GPAT4: variants seen among roughly 807,000 people sequenced by gnomAD.
The protein encoded by GPAT4 is 1-AGP acyltransferase 6.
GPAT4 carries 17 observed loss-of-function variants against 58.0 expected under a neutral mutation model. The ratio of observed to expected loss-of-function variants is 0.29; its 90% CI spans 0.20 to 0.44. The LOEUF (loss-of-function observed/expected upper bound fraction) is 0.44, where lower values mean the gene tolerates loss of function less well. Ranked by LOEUF, GPAT4 falls within the 20% of genes least tolerant of loss-of-function variation. The pLI is 1.00. For synonymous variants in GPAT4, 204 were observed against 210.1 expected, an observed-to-expected ratio of 0.97 and a Z score of 0.25; for missense variants, 377 against 574.5, an observed-to-expected ratio of 0.66 and a Z score of 3.51.
rs145318528 is a variant in GPAT4 at position 41,605,546 on chromosome 8, T to TTTTG, written c.166-3830_166-3827dup. Among the ~76,000 whole-genome samples, 138 of 150,950 alleles carry TTTTG rather than the reference T, an allele frequency of 9.1e-4. 1 individual carries two copies. Among genetic ancestry groups the TTTTG allele is most frequent in the African/African-American group, 2.8e-3 (116 of 41,014 alleles). On this transcript the variant is annotated intron_variant, in intron 2 of 12. Transcript: ENST00000396987. ...CATTGAGAAATCATTGAAGGTTGTG[T>TTTTG]TTTGTTTGTTTGTTTGTTTGTTTGT...
At chr8:41,581,121 G>A (rs1386225453) in intron 1 of GPAT4, among the ~76,000 whole-genome samples, 1 of 152,190 alleles carries the variant, frequency 6.6e-6, no homozygotes, top group African/African-American at 2.4e-5. Context: ...AGAACTTGAC[G>A]GAATATCATC....
At position 41,578,266 on chromosome 8, in the gene GPAT4, A is replaced by C. The variant is rs1381971243; in HGVS notation, c.-861A>C. 1 of 151,466 alleles carries C rather than the reference A, an allele frequency of 6.6e-6. No individual in the cohort carries two copies. The highest frequency in any genetic ancestry group is 1.5e-5 in the Non-Finnish European group (1 of 67,874). 9.4% of individuals were successfully genotyped at this position (151,466 alleles called of 1,614,324 possible). ...GTCGCCGCGGGATTTGGAGCTGCCT[A>C]GCCTCGCGGTCGGTGAGTAGGAGGG... On this transcript the variant is annotated 5_prime_UTR_variant, in exon 1 of 13. Coordinates refer to ENST00000396987, the MANE Select transcript of GPAT4 (RefSeq NM_178819.4).
intron 1 of GPAT4, among the ~76,000 whole-genome samples, chr8:41,597,960 T>A (rs1010239590): frequency 6.6e-6 from 1 of 152,236 alleles, no homozygotes; most frequent in African/African-American, 2.4e-5. Context: ...ACTCTGAGTA[T>A]CTGGGGGACA....
intron 1 of GPAT4, among the ~76,000 whole-genome samples, chr8:41,579,991 C>T (rs1049487736): frequency 1.3e-5 from 2 of 152,176 alleles, no homozygotes; most frequent in Non-Finnish European, 2.9e-5. Flanking sequence ...TGAAATCTCG[C>T]CTCTGCCTCG....
chr8:41,612,323 G>A, intron 7 of GPAT4, 50 bp downstream of exon 7: 1 of 1,594,948 alleles, frequency 6.3e-7, no homozygotes, highest in Non-Finnish European at 8.6e-7. Flanking sequence ...CTGCTTTAGA[G>A]TGGTCAGGGC....
At chr8:41,582,444 T>TACACAC (rs71548104) in intron 1 of GPAT4, among the ~76,000 whole-genome samples, 10,445 of 141,550 alleles carry the variant, frequency 0.074, 411 homozygotes, top group Middle Eastern at 0.15. Context: ...TGGGAAAGTA[T>TACACAC]ACACACACAC....
At position 41,612,260 on chromosome 8, in the gene GPAT4, G is replaced by A. The variant is rs1803467659; in HGVS notation, c.782G>A (p.Gly261Asp). 2 of 1,614,110 alleles carry A rather than the reference G, an allele frequency of 1.2e-6. No individual in the cohort carries two copies. Among genetic ancestry groups the A allele is most frequent in the Admixed American group, 1.7e-5 (1 of 60,006 alleles). The stretch of plus-strand genomic sequence containing the variant: ...GATGTGATCATCTTGGCCAGCGATG[G>A]CTATTATGCCATGGTAAGAGCTCTT... Reference protein sequence around the residue: ...PIDVIILASDGYYAMVGQVHG... With the variant: ...PIDVIILASDDYYAMVGQVHG... The change falls in exon 7 of 13, where the codon GGC becomes GAC. Residue 261 changes from glycine to aspartate, a missense_variant. Physicochemically the swap from Gly to Asp is moderately conservative, Grantham distance 94. Transcript: ENST00000396987.
rs1339807336 is a variant in GPAT4, at chr8:41,623,802, CT to C, written c.*2802del. ...TGTGGTTCTCAGACAGCCTTTTTTA[CT>C]CAAACATGAGACTTTCCACCCACCA... On this transcript the variant is annotated 3_prime_UTR_variant, in exon 13 of 13. Coordinates refer to ENST00000396987, the MANE Select transcript of GPAT4 (RefSeq NM_178819.4). 3 of 151,726 alleles carry C rather than the reference CT, an allele frequency of 2.0e-5. No individual in the cohort carries two copies. The highest frequency in any genetic ancestry group is 4.8e-5 in the African/African-American group (2 of 41,242). The allele number at this position is 151,726 out of a possible 1,614,324, so 9.4% of individuals were successfully genotyped here. A position where few individuals can be genotyped will look rare whatever the true frequency, so the allele number is the denominator to read the frequency against.
chr8:41,598,938 T>C lies in GPAT4; in HGVS notation c.-202T>C. The C allele has an allele frequency of 1.6e-6, 1 of 642,732 alleles. No individual in the cohort carries two copies. Among genetic ancestry groups the C allele is most frequent in the Non-Finnish European group, 2.6e-6 (1 of 381,244 alleles). 39.8% of individuals were successfully genotyped at this position (642,732 alleles called of 1,614,324 possible). On this transcript the variant is annotated 5_prime_UTR_variant, in exon 2 of 13. Transcript: ENST00000396987. The stretch of plus-strand genomic sequence containing the variant: ...TCTGGAGAGACCTGGCGTTTGCAGT[T>C]GCCTCCTGTGGCCGTGTTTTTCTGT...
intron 12 of GPAT4, among the ~76,000 whole-genome samples, chr8:41,619,730 G>A (rs1413001509): frequency 6.6e-6 from 1 of 152,218 alleles, no homozygotes; most frequent in Non-Finnish European, 1.5e-5. Flanking sequence ...ACTGGGGAGA[G>A]CATTTGACTT....
rs753450693 is a variant in GPAT4, at chr8:41,609,750, G to A, written c.331G>A (p.Glu111Lys). ...GGCTCTGGACAACACTCCAGAGTTC[G>A]AGCTCTCTGACATTTTCTACTTTTG... Reference protein sequence around the residue: ...SKALDNTPEFELSDIFYFCRK... With the variant: ...SKALDNTPEFKLSDIFYFCRK... Residue 111 changes from glutamate (E) to lysine (K), a missense_variant, in exon 4 of 13, where the codon GAG (glutamate) becomes AAG (lysine). By Grantham distance (56) the Glu-to-Lys change is moderately conservative. Transcript: ENST00000396987. The A allele has an allele frequency of 2.5e-5, 41 of 1,613,974 alleles. No individual in the cohort carries two copies. The highest frequency in any genetic ancestry group is 2.9e-5 in the Non-Finnish European group (34 of 1,180,052).
chr8:41,579,417 C>T (rs1802452087), intron 1 of GPAT4, among the ~76,000 whole-genome samples: 1 of 152,172 alleles, frequency 6.6e-6, no homozygotes, highest in African/African-American at 2.4e-5. Context: ...TGAAAACCAC[C>T]ATACCAAGTC....
At chr8:41,581,414 G>C (rs1371038523) in intron 1 of GPAT4, among the ~76,000 whole-genome samples, 1 of 152,142 alleles carries the variant, frequency 6.6e-6, no homozygotes, top group Admixed American at 6.5e-5. Context: ...ATAGAAAAAT[G>C]CTTTGTAAAA....
At chr8:41,608,233 C>T (rs990111918) in intron 2 of GPAT4, among the ~76,000 whole-genome samples, 5 of 152,360 alleles carry the variant, frequency 3.3e-5, no homozygotes, top group African/African-American at 7.2e-5. Context: ...GTGCAGCATT[C>T]GGCTTTGCTG....
Position 41,586,105 on chromosome 8 carries a change from G to C in GPAT4, c.-849+7827G>C, listed in dbSNP as rs372902692. 7.2e-5 allele frequency among the ~76,000 whole-genome samples: 11 copies of C among 152,324 alleles called. No homozygotes were observed. The East Asian group carries it at 1.5e-3, about 21-fold the overall frequency. On this transcript the variant is annotated intron_variant, in intron 1 of 12. Transcript: ENST00000396987. ...CTCTTGTATCTCCCCACTCTCGCCAGCTCTAAAGTAACCAACAATCTACTT... is the reference window on the plus strand; with the variant it reads ...CTCTTGTATCTCCCCACTCTCGCCACCTCTAAAGTAACCAACAATCTACTT...
rs779620977 is a variant in GPAT4, at chr8:41,599,313, T to C, written c.165+9T>C. On this transcript the variant is annotated intron_variant, in intron 2 of 12. Transcript: ENST00000396987. ...TGTTAAAAATCTTTGCGGTAAGTTA[T>C]GCTGTTACAAAAGGTTGCTTCACAG... is the stretch of plus-strand genomic sequence containing the variant. The C allele has an allele frequency of 1.2e-5, 20 of 1,613,522 alleles. No homozygotes were observed. The highest frequency in any genetic ancestry group is 2.2e-5 in the East Asian group (1 of 44,892).
chr8:41,612,121 T>C, intron 6 of GPAT4, 59 bp from the exon 7 acceptor site: 2 of 1,591,700 alleles, frequency 1.3e-6, no homozygotes, highest in Admixed American at 1.7e-5. Flanking sequence ...AGGTGAGAGG[T>C]GTGTTACATG....
intron 7 of GPAT4, 92 bp downstream of exon 7, chr8:41,612,365 A>G: frequency 3.2e-6 from 4 of 1,267,998 alleles, no homozygotes; most frequent in Non-Finnish European, 2.3e-6. Flanking sequence ...ACATAAACAC[A>G]TTTATGCGTG....
rs182775395 is a variant in GPAT4 at position 41,624,155 on chromosome 8, A to T, written c.*3154A>T. 1.1e-3 allele frequency: 162 copies of T among 152,370 alleles called. No individual in the cohort carries two copies. Among genetic ancestry groups the T allele is most frequent in the Middle Eastern group, 3.4e-3 (1 of 294 alleles). 9.4% of individuals were successfully genotyped at this position (152,370 alleles called of 1,614,324 possible). A position where few individuals can be genotyped will look rare whatever the true frequency, so the allele number is the denominator to read the frequency against. ...CCCAGCCAAGAGGGAACTTTTTAAT[A>T]AAGCTAGTGGGATTCCCTTGACAGC... On this transcript the variant is annotated 3_prime_UTR_variant, in exon 13 of 13. Transcript: ENST00000396987.
Sources: gnomAD v4.1 joint callset for allele counts (sites outside exome capture counted in the v4.1 genomes callset) on GRCh38, gnomAD v4.1.1 for gene constraint, MANE v1.5 for transcripts, NCBI Gene and HGNC (gene_info 2026-07-23, HGNC 2026-07-21) for gene names.